Variants in ESR1 observed in about 807,000 individuals in gnomAD.
ESR1 encodes estrogen receptor.
A neutral mutation model predicts 52.7 loss-of-function variants in ESR1; 12 were observed. The observed-to-expected ratio is 0.23, with a 90% CI of 0.15 to 0.37. The LOEUF is 0.37. Among genes scored for constraint, ESR1 ranks in the 10% least tolerant of loss-of-function variants. The pLI, the probability that ESR1 is intolerant of heterozygous loss-of-function variation, is 1.00. For missense variants in ESR1, 584 were observed against 779.7 expected (o/e 0.75, Z 2.99); for synonymous variants, 305 against 316.8 (o/e 0.96, Z 0.39).
intron 2 of ESR1, among the ~76,000 whole-genome samples, chr6:151,740,632 A>AT (rs529223828): frequency 2.0e-5 from 3 of 151,212 alleles, no homozygotes; most frequent in African/African-American, 7.3e-5. Flanking sequence ...TTTTTGATCA[A>AT]TTTTTTTTAC....
intron 3 of ESR1, among the ~76,000 whole-genome samples, chr6:151,885,905 G>C (rs186698040): frequency 6.4e-4 from 98 of 152,270 alleles, no homozygotes; most frequent in Non-Finnish European, 1.2e-3. Flanking sequence ...TAATGAGTTT[G>C]TCATGAAGAT....
At position 152,094,365 on chromosome 6, in the gene ESR1, C is replaced by T. The variant is rs750696522; in HGVS notation, c.1370-20C>T. 1.9e-6 allele frequency: 3 copies of T among 1,609,648 alleles called. No individual in the cohort carries two copies. The highest frequency in any genetic ancestry group is 1.7e-5 in the Admixed American group (1 of 60,030). ...ATCCTCTTTGAGCTTCTCTCTCTCA[C>T]TCTCTCTCTGCGCATTCAGGAGTGT... On this transcript the variant is annotated intron_variant, in intron 6 of 7. Coordinates refer to ENST00000206249, the MANE Select transcript of ESR1 (RefSeq NM_000125.4). The surrounding 1 kb of genome is among the most constrained non-coding windows in gnomAD (Gnocchi z 4.6).
rs71017515 is a variant in ESR1, at chr6:151,880,181, G to GTTTTTTTTTTTTTTTTT, written c.644-471_644-455dup. Among the ~76,000 whole-genome samples the GTTTTTTTTTTTTTTTTT allele has an allele frequency of 9.5e-5, 11 of 116,354 alleles. 3 individuals are homozygous for GTTTTTTTTTTTTTTTTT. The highest frequency in any genetic ancestry group is 1.2e-4 in the Non-Finnish European group (7 of 59,848). 76.3% of individuals were successfully genotyped at this position (116,354 alleles called of 152,430 possible). On this transcript the variant is annotated intron_variant, in intron 2 of 7. Coordinates refer to ENST00000206249, the MANE Select transcript of ESR1 (RefSeq NM_000125.4). ...AAGTCCACGGGAGGTTTTTTGTTCT[G>GTTTTTTTTTTTTTTTTT]TTTTTTTTTTTTTTTTTTTGAGATG...
intron 1 of ESR1, among the ~76,000 whole-genome samples, chr6:151,678,022 G>A (rs1778312187): frequency 6.6e-6 from 1 of 152,158 alleles, no homozygotes; most frequent in Admixed American, 6.5e-5. Context: ...GGTGGCCTGA[G>A]CAATTGGCTG....
chr6:151,689,668 C>T (rs1778824707), upstream of ESR1, among the ~76,000 whole-genome samples: 1 of 152,138 alleles, frequency 6.6e-6, no homozygotes, highest in African/African-American at 2.4e-5. Flanking sequence ...GGTACTGGGA[C>T]AGAGAGAAAT....
At chr6:151,802,796 C>T (rs578130981), upstream of ESR1, among the ~76,000 whole-genome samples, 1 of 152,258 alleles carries the variant, frequency 6.6e-6, no homozygotes, top group East Asian at 1.9e-4. Context: ...CAGGACCAGC[C>T]TGGCCAACAT....
rs759639731 is a variant in ESR1, at chr6:151,807,975, C to G, written c.63C>G (p.Asn21Lys). 10 of 1,614,014 alleles carry G rather than the reference C, an allele frequency of 6.2e-6. No individual in the cohort carries two copies. Among genetic ancestry groups the G allele is most frequent in the Non-Finnish European group, 7.6e-6 (9 of 1,179,984 alleles). The change falls in exon 1 of 8, where the codon AAC becomes AAG. Residue 21 changes from asparagine (N) to lysine (K), a missense_variant. Transcript: ENST00000206249. ...GMALLHQIQG[N>K]ELEPLNRPQL... ...CCCTACTGCATCAGATCCAAGGGAA[C>G]GAGCTGGAGCCCCTGAACCGTCCGC... is the stretch of plus-strand genomic sequence containing the variant.
At chr6:151,718,036 C>T (rs1781182910) in intron 2 of ESR1, among the ~76,000 whole-genome samples, 1 of 152,112 alleles carries the variant, frequency 6.6e-6, no homozygotes. Context: ...TAACCAGCCT[C>T]TGGTAGCACT....
chr6:151,677,451 T>C lies in ESR1; in HGVS notation n.73+20688T>C, dbSNP rs117210371. ...CTCTGGGTGAGAGGGTCACTGTGAA[T>C]GAATGTACACACAGAGCCTTTTATT... On this transcript the variant is annotated intron_variant and non_coding_transcript_variant, in intron 1 of 2. Transcript: ENST00000473497. 6.3e-3 allele frequency among the ~76,000 whole-genome samples: 959 copies of C among 152,362 alleles called. 4 individuals carry two copies. The highest frequency in any genetic ancestry group is 9.5e-3 in the Non-Finnish European group (649 of 68,030).
intron 1 of ESR1, among the ~76,000 whole-genome samples, chr6:151,665,305 G>A (rs1777779883): frequency 6.6e-6 from 1 of 152,174 alleles, no homozygotes; most frequent in Admixed American, 6.5e-5. Context: ...CTGAACCTGA[G>A]CTTCATGCAG....
intron 5 of ESR1, among the ~76,000 whole-genome samples, chr6:152,040,476 C>T (rs2045695935): frequency 6.6e-6 from 1 of 152,230 alleles, no homozygotes; most frequent in South Asian, 2.1e-4. Flanking sequence ...CCACATACCT[C>T]TTCCCCAAAT....
chr6:152,000,961 C>G (rs147007981), intron 4 of ESR1, among the ~76,000 whole-genome samples: 3 of 151,966 alleles, frequency 2.0e-5, no homozygotes, highest in Non-Finnish European at 2.9e-5. Flanking sequence ...GAAACTAATA[C>G]GGTTACTCTT....
At chr6:151,769,148 T>C (rs2128106113) in intron 2 of ESR1, among the ~76,000 whole-genome samples, 1 of 152,286 alleles carries the variant, frequency 6.6e-6, no homozygotes, top group Non-Finnish European at 1.5e-5. Flanking sequence ...TTGTCAGTCG[T>C]TTCACCAAGA....
intron 2 of ESR1, among the ~76,000 whole-genome samples, chr6:151,798,248 C>T (rs530354380): frequency 2.0e-4 from 30 of 151,920 alleles, no homozygotes; most frequent in African/African-American, 7.2e-4. Context: ...ATTAAGTGAC[C>T]CATGTTGAAT....
chr6:151,977,809 TA>T (rs771117570), intron 4 of ESR1, among the ~76,000 whole-genome samples: 194 of 149,770 alleles, frequency 1.3e-3, no homozygotes, highest in African/African-American at 4.4e-3. Flanking sequence ...ATAATAATAA[TA>T]AAAAAAAGTG....
At chr6:151,948,805 G>T (rs977049185) in intron 4 of ESR1, among the ~76,000 whole-genome samples, 8 of 152,082 alleles carry the variant, frequency 5.3e-5, no homozygotes, top group African/African-American at 1.9e-4. Flanking sequence ...GAGGATGCAT[G>T]GTTGTGTGAG....
intron 4 of ESR1, among the ~76,000 whole-genome samples, chr6:152,010,207 T>G (rs2042652600): frequency 6.6e-6 from 1 of 152,086 alleles, no homozygotes; most frequent in African/African-American, 2.4e-5. Context: ...CTTAAGCATG[T>G]AAGAAATGAT....
chr6:151,963,714 C>A (rs1047973833), intron 4 of ESR1, among the ~76,000 whole-genome samples: 1 of 152,162 alleles, frequency 6.6e-6, no homozygotes, highest in Admixed American at 6.5e-5. Flanking sequence ...GCTTTTGTTG[C>A]CTGTGCATTC....
rs2050993063 is a variant in ESR1, at chr6:152,102,531, A to G, written c.*3565A>G. The G allele has an allele frequency of 9.4e-6, 2 of 213,632 alleles. No homozygotes were observed. Among genetic ancestry groups the G allele is most frequent in the Admixed American group, 1.2e-4 (2 of 17,088 alleles). The allele number at this position is 213,632 out of a possible 1,614,324, so 13.2% of individuals were successfully genotyped here. On this transcript the variant is annotated 3_prime_UTR_variant, in exon 8 of 8. Transcript: ENST00000206249. ...AGCGTGATCTAGATTACACTGCACCATTCCCAAGTTAATCCCCTGAAAACT... is the reference window on the plus strand; with the variant it reads ...AGCGTGATCTAGATTACACTGCACCGTTCCCAAGTTAATCCCCTGAAAACT...
Sources: allele counts gnomAD v4.1 joint callset (sites outside exome capture counted in the v4.1 genomes callset), GRCh38; gene constraint gnomAD v4.1.1; non-coding constraint Gnocchi (gnomAD v3.1); transcripts MANE v1.5; gene names NCBI Gene and HGNC (gene_info 2026-07-23, HGNC 2026-07-21).